The following NAMPT variants were observed in gnomAD, a reference collection of about 807,000 sequenced individuals.
The protein encoded by NAMPT is nicotinamide phosphoribosyltransferase, also known as NAmPRTase.
Under a neutral mutation model 58.7 loss-of-function variants are expected in NAMPT, and 7 were observed. The observed-to-expected ratio is 0.12, with a 90% CI of 0.07 to 0.22. The LOEUF is 0.22. NAMPT is among the 10% of genes least tolerant of loss of function. NAMPT has a pLI of 1.00. For missense variants in NAMPT, 271 were observed against 567.9 expected (o/e 0.48, Z 5.31); for synonymous variants, 145 against 198.1 (o/e 0.73, Z 2.25).
intron 8 of NAMPT, among the ~76,000 whole-genome samples, chr7:106,258,274 T>C (rs1187163868): frequency 6.6e-6 from 1 of 152,204 alleles, no homozygotes; most frequent in Non-Finnish European, 1.5e-5. Flanking sequence ...ACCGCAGAAA[T>C]ACTGTTTGAT....
intron 4 of NAMPT, among the ~76,000 whole-genome samples, chr7:106,269,546 T>C (rs1792490997): frequency 6.6e-6 from 1 of 152,194 alleles, no homozygotes; most frequent in Non-Finnish European, 1.5e-5. Flanking sequence ...AGCAGAGAAC[T>C]TCACATTATC....
chr7:106,273,602 A>G (rs1460275137), intron 3 of NAMPT, among the ~76,000 whole-genome samples: 2 of 152,228 alleles, frequency 1.3e-5, no homozygotes, highest in African/African-American at 4.8e-5. Flanking sequence ...GATTATCTCT[A>G]GAGAACCTTT....
upstream of NAMPT, chr7:106,285,496 G>A (rs1792862401): frequency 2.1e-6 from 2 of 967,616 alleles, no homozygotes; most frequent in Non-Finnish European, 2.5e-6. Context: ...GGGGCGAGGA[G>A]CCTCCTACTG....
intron 1 of NAMPT, among the ~76,000 whole-genome samples, chr7:106,283,166 G>A (rs1792798794): frequency 6.6e-6 from 1 of 151,942 alleles, no homozygotes; most frequent in African/African-American, 2.4e-5. Flanking sequence ...ATATTATAAA[G>A]GATATAAAAC....
intron 8 of NAMPT, 148 bp from the exon 9 acceptor site, chr7:106,254,652 T>TAAAG (rs767024726): frequency 2.2e-6 from 2 of 889,474 alleles, no homozygotes; most frequent in East Asian, 2.7e-5. Context: ...ATTTTGTTTT[T>TAAAG]AAAGACCCAC....
intron 6 of NAMPT, among the ~76,000 whole-genome samples, chr7:106,263,880 CTG>C (rs371123154): frequency 3.7e-4 from 56 of 151,750 alleles, no homozygotes; most frequent in Non-Finnish European, 3.4e-4. Context: ...AACCAATTAT[CTG>C]TGTGTGTGTG....
intron 1 of NAMPT, 139 bp downstream of exon 1, chr7:106,284,678 GCCGCCCGCGCC>G: frequency 1.0e-6 from 1 of 964,332 alleles, no homozygotes; most frequent in Non-Finnish European, 1.3e-6. Context: ...CCCAGCCGCC[GCCGCCCGCGCC>G]TCCCCCGGGC....
intron 1 of NAMPT, 44 bp from the exon 2 acceptor site, chr7:106,277,223 G>C (rs1792664238): frequency 6.7e-7 from 1 of 1,491,310 alleles, no homozygotes. Flanking sequence ...CCGATGAGTA[G>C]ACTATAAATC....
At chr7:106,259,896 T>TC (rs536260745) in intron 8 of NAMPT, among the ~76,000 whole-genome samples, 4,389 of 150,930 alleles carry the variant, frequency 0.029, 102 homozygotes, top group African/African-American at 0.057. Flanking sequence ...TTTTTTTTTT[T>TC]CCTGAGCAGT....
intron 3 of NAMPT, among the ~76,000 whole-genome samples, chr7:106,274,183 G>A (rs1364249544): frequency 1.3e-5 from 2 of 151,362 alleles, no homozygotes; most frequent in African/African-American, 2.4e-5. Context: ...ACTATACAGT[G>A]AGAAACTTCC....
intron 6 of NAMPT, among the ~76,000 whole-genome samples, chr7:106,267,281 G>C (rs73720631): frequency 0.049 from 7,502 of 152,244 alleles, 255 homozygotes; most frequent in Middle Eastern, 0.12. Context: ...TATTACTAGT[G>C]TATTATTTTC....
intron 10 of NAMPT, 27 bp from the exon 11 acceptor site, chr7:106,251,220 TA>T (rs1223489726): frequency 7.0e-7 from 1 of 1,432,968 alleles, no homozygotes; most frequent in African/African-American, 1.4e-5. Context: ...TTCATGATTA[TA>T]TTACATTATT....
rs1792080918 is a variant in NAMPT, at chr7:106,250,087, A to T, written c.*996T>A. The stretch of plus-strand genomic sequence containing the variant: ...TAATTTTTTAAAAACTTAATAAAAA[A>T]TATAACAGAATTGAAACATTTAAGT... On this transcript the variant is annotated 3_prime_UTR_variant, in exon 11 of 11. Coordinates refer to ENST00000222553, the MANE Select transcript of NAMPT (RefSeq NM_005746.3). The T allele has an allele frequency of 1.3e-5, 2 of 152,476 alleles. No individual in the cohort carries two copies. Among genetic ancestry groups the T allele is most frequent in the African/African-American group, 4.8e-5 (2 of 41,432 alleles). 9.4% of individuals were successfully genotyped at this position (152,476 alleles called of 1,614,324 possible).
rs1420332508 is a variant in NAMPT at position 106,249,934 on chromosome 7, T to C, written c.*1149A>G. 6.6e-6 allele frequency: 1 copy of C among 152,066 alleles called. No individual in the cohort carries two copies. The highest frequency in any genetic ancestry group is 1.5e-5 in the Non-Finnish European group (1 of 67,950). The allele number at this position is 152,066 out of a possible 1,614,324, so 9.4% of individuals were successfully genotyped here. ...ATTTAGCCAACTTAAGATTCTTCTATTGAAACACATGTCATGCTTTTCATT... is the reference window on the plus strand; with the variant it reads ...ATTTAGCCAACTTAAGATTCTTCTACTGAAACACATGTCATGCTTTTCATT... On this transcript the variant is annotated 3_prime_UTR_variant, in exon 11 of 11. Coordinates refer to ENST00000222553, the MANE Select transcript of NAMPT (RefSeq NM_005746.3).
chr7:106,282,928 GTCCTTTT>G (rs1264179582), intron 1 of NAMPT, among the ~76,000 whole-genome samples: 1 of 151,958 alleles, frequency 6.6e-6, no homozygotes, highest in African/African-American at 2.4e-5. Flanking sequence ...TATCATTTTT[GTCCTTTT>G]TCCTAAGATA....
upstream of NAMPT, chr7:106,285,270 G>A (rs1233239959): frequency 1.0e-5 from 8 of 798,450 alleles, no homozygotes; most frequent in South Asian, 1.5e-4. Flanking sequence ...CCAGCTCTGG[G>A]AAGCTGGAGG....
In NAMPT at chr7:106,275,049, C is replaced by G; in HGVS notation, c.215G>C (p.Gly72Ala). Residue 72 changes from glycine to alanine, a missense_variant and splice_region_variant, in exon 3 of 11, where the codon GGT (glycine) becomes GCT (alanine). By Grantham distance (60) the Gly-to-Ala change is moderately conservative (BLOSUM62 0). Coordinates refer to ENST00000222553, the MANE Select transcript of NAMPT (RefSeq NM_005746.3). ...GATTTTCTCTTTGGTTACTACTTTA[C>G]CTAGAAGAATATACATGTCCTGTTT... ...LQYILNKYLK[G>A]KVVTKEKIQE... 1.3e-6 allele frequency: 2 copies of G among 1,577,172 alleles called. No homozygotes were observed. The highest frequency in any genetic ancestry group is 1.7e-6 in the Non-Finnish European group (2 of 1,146,872).
chr7:106,264,840 GACTTTATGTCTGAAATAATC>G (rs1441206088), intron 6 of NAMPT, among the ~76,000 whole-genome samples: 4 of 151,458 alleles, frequency 2.6e-5, no homozygotes, highest in Non-Finnish European at 5.9e-5. Context: ...TGAAGAGTCA[GACTTTATGTCTGAAATAATC>G]ACTTTATACA....
At chr7:106,258,887 A>G (rs972906116) in intron 8 of NAMPT, among the ~76,000 whole-genome samples, 1 of 151,984 alleles carries the variant, frequency 6.6e-6, no homozygotes, top group Non-Finnish European at 1.5e-5. Context: ...TTAAAATGAC[A>G]ACAATGAAGT....
Sources: allele counts gnomAD v4.1 joint callset (sites outside exome capture counted in the v4.1 genomes callset), GRCh38; gene constraint gnomAD v4.1.1; transcripts MANE v1.5; gene names NCBI Gene and HGNC (gene_info 2026-07-23, HGNC 2026-07-21).